STX18: variants seen among roughly 807,000 people sequenced by gnomAD.
STX18 encodes syntaxin-18.
STX18 carries 40 observed loss-of-function variants against 50.1 expected under a neutral mutation model. The observed-to-expected ratio is 0.80, with a 90% CI of 0.62 to 1.04. The LOEUF is 1.04. Among genes scored for constraint, STX18 ranks in the 50% least tolerant of loss-of-function variants. The probability of loss-of-function intolerance (pLI) is 0.00; values close to 1 mark genes in which losing one functional copy is unlikely to be tolerated. For synonymous variants in STX18, 158 were observed against 151.8 expected (o/e 1.04, Z -0.30); for missense variants, 410 against 415.8 (o/e 0.99, Z 0.12).
intron 1 of STX18, among the ~76,000 whole-genome samples, chr4:4,509,710 T>C (rs1437246300): frequency 6.6e-6 from 1 of 152,034 alleles, no homozygotes; most frequent in African/African-American, 2.4e-5. Flanking sequence ...TAATGCAAAG[T>C]AAGGGAAATC....
chr4:4,541,837 G>C lies in STX18; in HGVS notation c.128C>G (p.Pro43Arg). Residue 43 changes from proline to arginine, a missense_variant, in exon 1 of 11, where the codon CCC becomes CGC. Coordinates refer to ENST00000306200, the MANE Select transcript of STX18 (RefSeq NM_016930.4). Reference protein sequence around the residue: ...GSRDELFRRSPRPKGDFSSRA... With the variant: ...GSRDELFRRSRRPKGDFSSRA... ...GCTGGAGAAGTCGCCCTTGGGCCGG[G>C]GGCTCCGGCGGAACAGCTCGTCCCG... is the stretch of plus-strand genomic sequence containing the variant. 6.2e-7 allele frequency: 1 copy of C among 1,611,156 alleles called. No individual in the cohort carries two copies.
intron 1 of STX18, among the ~76,000 whole-genome samples, chr4:4,528,309 TG>T (rs1730901445): frequency 6.6e-6 from 1 of 152,122 alleles, no homozygotes. Context: ...TGGGAGGTGT[TG>T]GATCATGAGG....
At chr4:4,500,917 C>A (rs1729423348) in intron 1 of STX18, among the ~76,000 whole-genome samples, 1 of 151,994 alleles carries the variant, frequency 6.6e-6, no homozygotes, top group African/African-American at 2.4e-5. Flanking sequence ...GGCGCCTATA[C>A]CCTCAGCTAC....
chr4:4,513,693 C>T (rs1416729784), intron 1 of STX18, among the ~76,000 whole-genome samples: 1 of 152,188 alleles, frequency 6.6e-6, no homozygotes. Context: ...AGATACCCGA[C>T]AAAACAGCAT....
intron 7 of STX18, among the ~76,000 whole-genome samples, chr4:4,427,798 G>A (rs998716738): frequency 6.6e-6 from 1 of 152,130 alleles, no homozygotes; most frequent in African/African-American, 2.4e-5. Context: ...CTCCATGTCC[G>A]CCCTCCACTG....
chr4:4,428,473 A>G (rs1725364719), intron 7 of STX18, among the ~76,000 whole-genome samples: 1 of 152,024 alleles, frequency 6.6e-6, no homozygotes, highest in Non-Finnish European at 1.5e-5. Context: ...GAAGGAATAC[A>G]TGAGTGAATA....
intron 5 of STX18, among the ~76,000 whole-genome samples, chr4:4,439,736 A>C (rs1408856618): frequency 6.6e-6 from 1 of 152,098 alleles, no homozygotes; most frequent in Non-Finnish European, 1.5e-5. Context: ...GAAGGCACAG[A>C]CTTGTTTCAG....
chr4:4,477,583 T>A (rs1297181750), intron 1 of STX18, among the ~76,000 whole-genome samples: 3 of 152,142 alleles, frequency 2.0e-5, no homozygotes, highest in African/African-American at 7.2e-5. Flanking sequence ...GCCCCATGGA[T>A]GAGAAAACCG....
intron 1 of STX18, among the ~76,000 whole-genome samples, chr4:4,540,647 T>C (rs1577417498): frequency 6.6e-6 from 1 of 152,210 alleles, no homozygotes; most frequent in East Asian, 1.9e-4. Context: ...GTCCGTCTAC[T>C]CCACCACTGC....
Position 4,541,793 on chromosome 4 carries a change from T to C in STX18, c.168+4A>G. ...ACCCGCCGTTTCCATAGCAACCAGC[T>C]CACCACTTCGCGGGCCCGGCTGGAG... On this transcript the variant is annotated splice_donor_region_variant and intron_variant, in intron 1 of 10. Transcript: ENST00000306200. 1 of 1,606,034 alleles carries C rather than the reference T, an allele frequency of 6.2e-7. No homozygotes were observed. The highest frequency in any genetic ancestry group is 1.1e-5 in the South Asian group (1 of 90,008).
chr4:4,520,669 C>T (rs1730466709), intron 1 of STX18, among the ~76,000 whole-genome samples: 1 of 152,074 alleles, frequency 6.6e-6, no homozygotes, highest in African/African-American at 2.4e-5. Flanking sequence ...TTTGTGTTTA[C>T]TGAAAATGCC....
At position 4,425,595 on chromosome 4, in the gene STX18, G is replaced by T. The variant is rs528519608; in HGVS notation, c.703-373C>A. ...TTCTTTTGTTGTTGTTTTCTCTCAT[G>T]AACTATACTGAAGGACTATACATAT... is the stretch of plus-strand genomic sequence containing the variant. On this transcript the variant is annotated intron_variant, in intron 7 of 10. Coordinates refer to ENST00000306200, the MANE Select transcript of STX18 (RefSeq NM_016930.4). 2.9e-4 allele frequency: 89 copies of T among 301,924 alleles called. 1 individual carries two copies. The South Asian group carries it at 3.9e-3, about 13-fold the overall frequency. The allele number at this position is 301,924 out of a possible 1,614,324, so 18.7% of individuals were successfully genotyped here.
At chr4:4,517,922 C>T (rs534082594) in intron 1 of STX18, among the ~76,000 whole-genome samples, 1 of 151,922 alleles carries the variant, frequency 6.6e-6, no homozygotes, top group African/African-American at 2.4e-5. Flanking sequence ...TTACAGGCGC[C>T]TGCCACCACG....
chr4:4,504,040 C>G (rs28622193), intron 1 of STX18, among the ~76,000 whole-genome samples: 22,152 of 152,092 alleles, frequency 0.15, 1,626 homozygotes, highest in Non-Finnish European at 0.16. Context: ...GTAAAGGTCA[C>G]TGACTTACAC....
Position 4,433,510 on chromosome 4 carries a change from GA to G in STX18, c.702+1259del, listed in dbSNP as rs552665735. Among the ~76,000 whole-genome samples, 68 of 97,902 alleles carry G rather than the reference GA, an allele frequency of 6.9e-4. 1 individual carries two copies. In the East Asian group the frequency reaches 0.012, roughly 17 times the overall value. The allele number at this position is 97,902 out of a possible 152,430, so 64.2% of individuals were successfully genotyped here. ...ATACCCCTCTGCGAGAAACACCCAA[GA>G]ATGATCAATAAAAAAAATAAATTAA... On this transcript the variant is annotated intron_variant, in intron 7 of 10. Coordinates refer to ENST00000306200, the MANE Select transcript of STX18 (RefSeq NM_016930.4).
At chr4:4,462,963 C>T (rs1468817587) in intron 2 of STX18, among the ~76,000 whole-genome samples, 1 of 152,194 alleles carries the variant, frequency 6.6e-6, no homozygotes, top group Admixed American at 6.5e-5. Flanking sequence ...GCAGGAGCCT[C>T]CTTTTGCTGT....
intron 1 of STX18, among the ~76,000 whole-genome samples, chr4:4,517,078 G>C (rs1015662235): frequency 5.9e-5 from 9 of 152,112 alleles, no homozygotes; most frequent in Admixed American, 3.9e-4. Context: ...TGGTTCTCAG[G>C]CTTTAGATTT....
chr4:4,474,300 C>A (rs190188142), intron 1 of STX18, among the ~76,000 whole-genome samples: 3 of 149,848 alleles, frequency 2.0e-5, no homozygotes, highest in Non-Finnish European at 4.4e-5. Context: ...TCTGAGAGGG[C>A]AGAGAGTCCT....
chr4:4,457,902 C>A (rs913005604), intron 3 of STX18, among the ~76,000 whole-genome samples: 1 of 152,188 alleles, frequency 6.6e-6, no homozygotes, highest in Non-Finnish European at 1.5e-5. Context: ...AGTGCCCCAT[C>A]CTCTCCCCTT....
Sources: gnomAD v4.1 joint callset for allele counts (sites outside exome capture counted in the v4.1 genomes callset) on GRCh38, gnomAD v4.1.1 for gene constraint, MANE v1.5 for transcripts, NCBI Gene and HGNC (gene_info 2026-07-23, HGNC 2026-07-21) for gene names.